Variants in GIMAP8 observed in about 807,000 individuals in gnomAD.
The protein encoded by GIMAP8 is GTPase, IMAP family member 8, also known as GTPase IMAP family member 8.
In GIMAP8, 29 loss-of-function variants were observed where a neutral mutation model predicts 35.6. The observed-to-expected ratio is 0.81, with a 90% CI of 0.61 to 1.11. The LOEUF is 1.11. Among genes scored for constraint, GIMAP8 ranks in the 50% most tolerant of loss-of-function variants. GIMAP8 has a pLI of 0.00. For synonymous variants in GIMAP8, 335 were observed against 308.7 expected (o/e 1.09, Z -0.89); for missense variants, 811 against 805.0 (o/e 1.01, Z -0.09).
chr7:150,461,439 C>A (rs1210319055), intron 1 of GIMAP8, among the ~76,000 whole-genome samples: 1 of 152,190 alleles, frequency 6.6e-6, no homozygotes. Flanking sequence ...ATTATACTCT[C>A]TTGCTCAGTT....
intron 2 of GIMAP8, 54 bp from the exon 3 acceptor site, chr7:150,470,772 TTTG>T: frequency 1.3e-6 from 1 of 749,206 alleles, no homozygotes; most frequent in African/African-American, 1.9e-5. Context: ...TTTTTTTCAG[TTTG>T]TGGAAGATGA....
intron 1 of GIMAP8, among the ~76,000 whole-genome samples, chr7:150,462,792 C>A (rs914473122): frequency 6.6e-6 from 1 of 152,064 alleles, no homozygotes; most frequent in African/African-American, 2.4e-5. Flanking sequence ...TGACTTTTGA[C>A]AATTTGACTA....
At chr7:150,470,713 C>A in intron 2 of GIMAP8, 116 bp from the exon 3 acceptor site, 2 of 722,654 alleles carry the variant, frequency 2.8e-6, no homozygotes, top group Non-Finnish European at 4.6e-6. Context: ...ACATCTGACT[C>A]AGCAGATCAT....
At chr7:150,457,629 A>G (rs1327082543) in intron 1 of GIMAP8, among the ~76,000 whole-genome samples, 2 of 152,256 alleles carry the variant, frequency 1.3e-5, no homozygotes, top group African/African-American at 4.8e-5. Flanking sequence ...GCAATAAATT[A>G]TACTAAATAT....
intron 2 of GIMAP8, 118 bp downstream of exon 2, chr7:150,467,452 GAT>G (rs1801994336): frequency 1.3e-6 from 1 of 785,368 alleles, no homozygotes; most frequent in East Asian, 2.7e-5. Flanking sequence ...TGTTTAATAA[GAT>G]ATTTATATAT....
intron 1 of GIMAP8, among the ~76,000 whole-genome samples, chr7:150,461,951 G>A (rs563297382): frequency 1.2e-4 from 19 of 152,294 alleles, no homozygotes; most frequent in East Asian, 3.9e-4. Flanking sequence ...GGCTGAGTCC[G>A]AAAAAGGAGT....
intron 2 of GIMAP8, among the ~76,000 whole-genome samples, chr7:150,470,556 C>T (rs1449719531): frequency 1.3e-5 from 2 of 151,958 alleles, no homozygotes; most frequent in Admixed American, 6.6e-5. Context: ...CCTTTCCATA[C>T]TGGGAGCAGT....
intron 1 of GIMAP8, among the ~76,000 whole-genome samples, chr7:150,455,864 T>C (rs551014560): frequency 6.6e-6 from 1 of 152,360 alleles, no homozygotes; most frequent in African/African-American, 2.4e-5. Context: ...AGTTGGTCTC[T>C]GGGATATTCT....
Position 150,477,349 on chromosome 7 carries a change from A to C in GIMAP8, c.1567A>C (p.Lys523Gln), listed in dbSNP as rs1802256766. The change falls in exon 5 of 5, where the codon AAA (lysine) becomes CAA (glutamine). Residue 523 changes from lysine to glutamine, a missense_variant. Lys to Gln is a moderately conservative substitution (Grantham distance 53, BLOSUM62 1). Transcript: ENST00000307271. ...EVKRCLSCCE[K>Q]GDTFFVLVFQ... is the part of the protein sequence containing the mutation. Reference sequence around the variant, plus strand: ...CAAGCGCTGTTTGTCCTGCTGTGAAAAAGGGGACACATTTTTTGTCCTGGT... The same window carrying C: ...CAAGCGCTGTTTGTCCTGCTGTGAACAAGGGGACACATTTTTTGTCCTGGT... 1 of 1,614,176 alleles carries C rather than the reference A, an allele frequency of 6.2e-7. No individual in the cohort carries two copies. The highest frequency in any genetic ancestry group is 8.5e-7 in the Non-Finnish European group (1 of 1,180,022).
chr7:150,470,284 A>G (rs931284747), intron 2 of GIMAP8, among the ~76,000 whole-genome samples: 69 of 152,190 alleles, frequency 4.5e-4, no homozygotes, highest in Non-Finnish European at 3.1e-4. Context: ...AAGATTTAAC[A>G]AAGATAAGGT....
intron 2 of GIMAP8, among the ~76,000 whole-genome samples, chr7:150,469,882 G>A (rs1380104553): frequency 6.6e-6 from 1 of 152,176 alleles, no homozygotes; most frequent in African/African-American, 2.4e-5. Context: ...GAATGATGTA[G>A]TTCTGTCTAT....
chr7:150,457,873 C>G (rs1801764241), intron 1 of GIMAP8, among the ~76,000 whole-genome samples: 1 of 152,356 alleles, frequency 6.6e-6, no homozygotes, highest in African/African-American at 2.4e-5. Flanking sequence ...ACAGGCTCCA[C>G]CTTGCTCATG....
chr7:150,470,257 T>G (rs940705614), intron 2 of GIMAP8, among the ~76,000 whole-genome samples: 1 of 152,124 alleles, frequency 6.6e-6, no homozygotes, highest in African/African-American at 2.4e-5. Flanking sequence ...AGAGGGAAGA[T>G]TTCCTTGGCT....
At chr7:150,456,767 A>G (rs1468058618) in intron 1 of GIMAP8, among the ~76,000 whole-genome samples, 2 of 152,232 alleles carry the variant, frequency 1.3e-5, no homozygotes, top group Non-Finnish European at 1.5e-5. Flanking sequence ...TAGCCAATCA[A>G]CAGTGTCATT....
chr7:150,461,475 T>C lies in GIMAP8; in HGVS notation c.-28-5196T>C, dbSNP rs990129505. Among the ~76,000 whole-genome samples, 24 of 152,248 alleles carry C rather than the reference T, an allele frequency of 1.6e-4. 1 individual carries two copies. The highest frequency in any genetic ancestry group is 2.4e-5 in the African/African-American group (1 of 41,466). On this transcript the variant is annotated intron_variant, in intron 1 of 4. Transcript: ENST00000307271. ...GATCTATCATTATATAATAACCTTC[T>C]TCGTGTCTTTATGTTTTTTATTTAA...
At position 150,478,953 on chromosome 7, in the gene GIMAP8, C is replaced by T. The variant is rs1372372137; in HGVS notation, c.*1173C>T. ...TAGATACAGGGTAAAATGTTGAGCA[C>T]TTTGTACATGCTTTGAGAGCATAAT... On this transcript the variant is annotated 3_prime_UTR_variant, in exon 5 of 5. Transcript: ENST00000307271. 6.6e-6 allele frequency: 1 copy of T among 152,214 alleles called. No homozygotes were observed. The highest frequency in any genetic ancestry group is 1.5e-5 in the Non-Finnish European group (1 of 68,044). The allele number at this position is 152,214 out of a possible 1,614,324, so 9.4% of individuals were successfully genotyped here.
rs200505163 is a variant in GIMAP8, at chr7:150,477,545, G to C, written c.1763G>C (p.Arg588Pro). ...AAGAACTCAGATAACAAAGCCCTTC[G>C]GCGCATTTTTAAAAAGTGTGGGCGG... is the stretch of plus-strand genomic sequence containing the variant. ...FMKNSDNKAL[R>P]RIFKKCGRRV... The change falls in exon 5 of 5, where the codon CGG becomes CCG. Residue 588 changes from arginine to proline, a missense_variant. Physicochemically the swap from Arg to Pro is moderately radical, Grantham distance 103 (BLOSUM62 -2). Coordinates refer to ENST00000307271, the MANE Select transcript of GIMAP8 (RefSeq NM_175571.4). 31 of 1,614,142 alleles carry C rather than the reference G, an allele frequency of 1.9e-5. No homozygotes were observed. The highest frequency in any genetic ancestry group is 2.2e-5 in the East Asian group (1 of 44,886).
At chr7:150,466,167 C>A (rs922997752) in intron 1 of GIMAP8, among the ~76,000 whole-genome samples, 2 of 152,156 alleles carry the variant, frequency 1.3e-5, no homozygotes, top group African/African-American at 4.8e-5. Flanking sequence ...ATTATATTTG[C>A]TTGTATGCTC....
Position 150,478,592 on chromosome 7 carries a change from A to G in GIMAP8, c.*812A>G, listed in dbSNP as rs965197792. 13 of 152,236 alleles carry G rather than the reference A, an allele frequency of 8.5e-5. No homozygotes were observed. The highest frequency in any genetic ancestry group is 2.9e-4 in the African/African-American group (12 of 41,462). The allele number at this position is 152,236 out of a possible 1,614,324, so 9.4% of individuals were successfully genotyped here. ...TCTAGAGAAGGTTATTAGAATCTCC[A>G]TTGCGTTTCTCTTTCTCCTTCTCTT... On this transcript the variant is annotated 3_prime_UTR_variant, in exon 5 of 5. Transcript: ENST00000307271.
Sources: allele counts gnomAD v4.1 joint callset (sites outside exome capture counted in the v4.1 genomes callset), GRCh38; gene constraint gnomAD v4.1.1; transcripts MANE v1.5; gene names NCBI Gene and HGNC (gene_info 2026-07-23, HGNC 2026-07-21).